RPL39L: variants seen among roughly 807,000 people sequenced by gnomAD.
The protein encoded by RPL39L is ribosomal protein eL39-like 2.
For missense variants in RPL39L, 48 were observed against 58.9 expected (o/e 0.81, Z 0.61); for synonymous variants, 16 against 20.1 (o/e 0.80, Z 0.55).
At chr3:187,124,092 C>A (rs551377445) in intron 2 of RPL39L, among the ~76,000 whole-genome samples, 75 of 152,232 alleles carry the variant, frequency 4.9e-4, no homozygotes, top group African/African-American at 1.7e-3. Context: ...GGCAGTTTTA[C>A]CTTAAAAGGA....
At chr3:187,122,189 C>A (rs928151477) in intron 2 of RPL39L, among the ~76,000 whole-genome samples, 1 of 152,228 alleles carries the variant, frequency 6.6e-6, no homozygotes, top group South Asian at 2.1e-4. Flanking sequence ...CATGCTACCA[C>A]TCCATTTAAA....
intron 1 of RPL39L, among the ~76,000 whole-genome samples, chr3:187,131,468 C>T (rs1199166090): frequency 5.3e-5 from 8 of 152,174 alleles, no homozygotes; most frequent in Admixed American, 3.9e-4. Context: ...ACTCAGGAGA[C>T]GGAGGTTGCA....
At chr3:187,125,440 G>A (rs1720381110) in intron 2 of RPL39L, among the ~76,000 whole-genome samples, 1 of 152,112 alleles carries the variant, frequency 6.6e-6, no homozygotes. Flanking sequence ...TCTATGTGAT[G>A]TGAAAAGCAC....
intron 1 of RPL39L, among the ~76,000 whole-genome samples, chr3:187,138,798 G>T (rs1271900067): frequency 6.6e-6 from 1 of 152,278 alleles, no homozygotes; most frequent in African/African-American, 2.4e-5. Context: ...AGTGCCTCAC[G>T]CCTGTAATCC....
chr3:187,123,805 T>C (rs1720352836), intron 2 of RPL39L, among the ~76,000 whole-genome samples: 1 of 152,196 alleles, frequency 6.6e-6, no homozygotes, highest in Non-Finnish European at 1.5e-5. Flanking sequence ...CAAGTATTCA[T>C]TTCCAATGAA....
chr3:187,135,808 T>C (rs1720569725), intron 1 of RPL39L, among the ~76,000 whole-genome samples: 1 of 152,252 alleles, frequency 6.6e-6, no homozygotes, highest in Non-Finnish European at 1.5e-5. Flanking sequence ...CTTATGGTTT[T>C]GCAGGTGGTA....
chr3:187,138,533 T>C lies in RPL39L; in HGVS notation c.-93+680A>G, dbSNP rs546327556. 4.1e-3 allele frequency among the ~76,000 whole-genome samples: 620 copies of C among 152,276 alleles called. 5 individuals carry two copies. The highest frequency in any genetic ancestry group is 5.2e-3 in the South Asian group (25 of 4,822). ...AGTGTTTGCGCCTGTGAGAACGCCTTGGAAAGAGGCAGTGAGCAGATGAGG... is the reference window on the plus strand; with the variant it reads ...AGTGTTTGCGCCTGTGAGAACGCCTCGGAAAGAGGCAGTGAGCAGATGAGG... On this transcript the variant is annotated intron_variant, in intron 1 of 2. Coordinates refer to ENST00000296277, the MANE Select transcript of RPL39L (RefSeq NM_052969.3).
At chr3:187,137,886 C>T (rs1178420545) in intron 1 of RPL39L, among the ~76,000 whole-genome samples, 3 of 151,776 alleles carry the variant, frequency 2.0e-5, no homozygotes, top group African/African-American at 4.8e-5. Context: ...ATTTGTAGCA[C>T]ATCTTTTTTC....
chr3:187,121,188 T>C lies in RPL39L; in HGVS notation c.113A>G (p.Asn38Ser), dbSNP rs761961215. 1 of 1,613,876 alleles carries C rather than the reference T, an allele frequency of 6.2e-7. No individual in the cohort carries two copies. Among genetic ancestry groups the C allele is most frequent in the Non-Finnish European group, 8.5e-7 (1 of 1,179,848 alleles). The change falls in exon 3 of 3, where the codon AAC becomes AGC. Residue 38 changes from asparagine (N) to serine (S), a missense_variant. Asn to Ser is a conservative substitution (Grantham distance 46). Coordinates refer to ENST00000296277, the MANE Select transcript of RPL39L (RefSeq NM_052969.3). ...TCTTCTCCAATGCCTCCTTTTGGAG[T>C]TGTACCTGATTTTACTACCAGGTTT... ...QMKPGSKIRY[N>S]SKRRHWRRTK...
chr3:187,135,867 TAGA>T (rs1224094215), intron 1 of RPL39L, among the ~76,000 whole-genome samples: 1 of 152,222 alleles, frequency 6.6e-6, no homozygotes, highest in African/African-American at 2.4e-5. Flanking sequence ...TAACTCTTGG[TAGA>T]AGGTGTAGGA....
chr3:187,120,991 C>G lies in RPL39L; in HGVS notation c.*154G>C. The G allele has an allele frequency of 1.3e-6, 1 of 786,816 alleles. No homozygotes were observed. Among genetic ancestry groups the G allele is most frequent in the East Asian group, 2.5e-5 (1 of 40,590 alleles). 48.7% of individuals were successfully genotyped at this position (786,816 alleles called of 1,614,324 possible). A position where few individuals can be genotyped will look rare whatever the true frequency, so the allele number is the denominator to read the frequency against. Reference sequence around the variant, plus strand: ...TCACATATTTATTACTGAATCCACCCTACTAGCACAGAGCATACAGAAAAA... The same window carrying G: ...TCACATATTTATTACTGAATCCACCGTACTAGCACAGAGCATACAGAAAAA... On this transcript the variant is annotated 3_prime_UTR_variant, in exon 3 of 3. Transcript: ENST00000296277.
At chr3:187,136,996 T>C (rs535413690) in intron 1 of RPL39L, among the ~76,000 whole-genome samples, 12 of 150,926 alleles carry the variant, frequency 8.0e-5, no homozygotes, top group Admixed American at 4.6e-4. Context: ...ACTCAGGAGT[T>C]TGAGATCAGC....
intron 2 of RPL39L, among the ~76,000 whole-genome samples, chr3:187,124,890 A>C (rs1720372787): frequency 1.3e-5 from 2 of 152,222 alleles, no homozygotes; most frequent in African/African-American, 4.8e-5. Context: ...TATTAGGCTC[A>C]GAAACAGAAT....
At chr3:187,135,689 A>G (rs995578211) in intron 1 of RPL39L, among the ~76,000 whole-genome samples, 13 of 152,272 alleles carry the variant, frequency 8.5e-5, no homozygotes, top group Admixed American at 6.5e-4. Context: ...GGTAGCTCAC[A>G]AACAGCCTTA....
intron 1 of RPL39L, among the ~76,000 whole-genome samples, chr3:187,137,598 A>G (rs1259159986): frequency 6.6e-6 from 1 of 152,036 alleles, no homozygotes; most frequent in Non-Finnish European, 1.5e-5. Context: ...AGATCATCTG[A>G]GGTCAGGAAT....
chr3:187,129,715 C>T (rs986246125), intron 1 of RPL39L, among the ~76,000 whole-genome samples: 3 of 152,178 alleles, frequency 2.0e-5, no homozygotes, highest in Non-Finnish European at 4.4e-5. Flanking sequence ...ATTATGAACC[C>T]TCTATACCTT....
chr3:187,120,997 G>T lies in RPL39L; in HGVS notation c.*148C>A, dbSNP rs1490080294. ...ATTTATTACTGAATCCACCCTACTA[G>T]CACAGAGCATACAGAAAAACAGAAA... On this transcript the variant is annotated 3_prime_UTR_variant, in exon 3 of 3. Coordinates refer to ENST00000296277, the MANE Select transcript of RPL39L (RefSeq NM_052969.3). The T allele has an allele frequency of 3.6e-6, 3 of 832,996 alleles. No individual in the cohort carries two copies. Among genetic ancestry groups the T allele is most frequent in the Non-Finnish European group, 5.8e-6 (3 of 515,380 alleles). The allele number at this position is 832,996 out of a possible 1,614,324, so 51.6% of individuals were successfully genotyped here. A position where few individuals can be genotyped will look rare whatever the true frequency, so the allele number is the denominator to read the frequency against.
At chr3:187,127,408 G>A (rs1186715539) in intron 2 of RPL39L, among the ~76,000 whole-genome samples, 1 of 152,192 alleles carries the variant, frequency 6.6e-6, no homozygotes, top group East Asian at 1.9e-4. Flanking sequence ...TATGAAAAAA[G>A]GAATTTTAGT....
At chr3:187,122,261 T>C (rs1253170694) in intron 2 of RPL39L, among the ~76,000 whole-genome samples, 1 of 152,232 alleles carries the variant, frequency 6.6e-6, no homozygotes, top group Admixed American at 6.5e-5. Context: ...GTAGTTATTT[T>C]TAATGATTCA....
Sources: gnomAD v4.1 joint callset for allele counts (sites outside exome capture counted in the v4.1 genomes callset) on GRCh38, gnomAD v4.1.1 for gene constraint, MANE v1.5 for transcripts, NCBI Gene and HGNC (gene_info 2026-07-23, HGNC 2026-07-21) for gene names.